The following NAV1 variants were observed in gnomAD, a reference collection of about 807,000 sequenced individuals.
NAV1 encodes the protein pore membrane and/or filament interacting like protein 3.
In NAV1, 18 loss-of-function variants were observed where a neutral mutation model predicts 175.2. The ratio of observed to expected loss-of-function variants is 0.10; its 90% confidence interval spans 0.07 to 0.15. NAV1 has a LOEUF of 0.15. Among genes scored for constraint, NAV1 ranks in the 10% least tolerant of loss-of-function variants. NAV1 has a pLI of 1.00. For missense variants in NAV1, 1,731 were observed against 2,436.6 expected (o/e 0.71, Z 6.10); for synonymous variants, 897 against 978.7 (o/e 0.92, Z 1.56).
At chr1:201,593,446 T>G (rs912090714) in intron 2 of NAV1, among the ~76,000 whole-genome samples, 5 of 152,254 alleles carry the variant, frequency 3.3e-5, no homozygotes, top group Non-Finnish European at 7.3e-5. Context: ...CTGTTTTCTT[T>G]GGCTGCATTC....
chr1:201,648,819 G>C lies in NAV1; in HGVS notation c.151G>C (p.Gly51Arg). 1.9e-6 allele frequency: 3 copies of C among 1,552,130 alleles called. No individual in the cohort carries two copies. The South Asian group carries it at 3.6e-5, about 18-fold the overall frequency. ...GCTGCCCAAGCGCGCCAAGGCGCCC[G>C]GCGGCGGCGGCGGCATGGCCAAGGC... Residue 51 changes from glycine to arginine, a missense_variant, in exon 1 of 30, where the codon GGC becomes CGC. Physicochemically the swap from Gly to Arg is moderately radical, Grantham distance 125 (BLOSUM62 -2). Around this residue, in one of 13 missense-constraint regions of NAV1, gnomAD observed 487 missense variants for 581.3 expected, o/e 0.84. Coordinates refer to ENST00000367296, the Ensembl canonical transcript of NAV1.
intron 3 of NAV1, among the ~76,000 whole-genome samples, chr1:201,721,079 T>TA (rs1558096951): frequency 6.6e-6 from 1 of 152,032 alleles, no homozygotes; most frequent in Non-Finnish European, 1.5e-5. Context: ...TTTTAAAAAT[T>TA]AGAGTTCACC....
At chr1:201,638,933 G>A (rs1173429325) in intron 2 of NAV1, among the ~76,000 whole-genome samples, 1 of 152,198 alleles carries the variant, frequency 6.6e-6, no homozygotes, top group African/African-American at 2.4e-5. Context: ...TGGCAGAAGA[G>A]GATATCTCCG....
chr1:201,551,749 G>A (rs539749542), intron 1 of NAV1, among the ~76,000 whole-genome samples: 20 of 152,228 alleles, frequency 1.3e-4, no homozygotes, highest in African/African-American at 4.1e-4. Context: ...AAAGTGTTAC[G>A]TTTTGAGGTT....
chr1:201,804,353 C>G (rs1289609953), intron 16 of NAV1, 136 bp from the exon 21 acceptor site: 2 of 836,342 alleles, frequency 2.4e-6, no homozygotes, highest in Non-Finnish European at 3.7e-6. Context: ...GCTCCTCTGT[C>G]CCCTGTTCAG....
In NAV1 at chr1:201,583,856, C is replaced by G. The variant is rs148844577; in HGVS notation, c.-143-4683C>G. Among the ~76,000 whole-genome samples, 881 of 152,276 alleles carry G rather than the reference C, an allele frequency of 5.8e-3. 9 individuals carry two copies. Among genetic ancestry groups the G allele is most frequent in the African/African-American group, 0.019 (796 of 41,550 alleles). ...AGTGCTGGTGCCTGGGGGAGAGGAG[C>G]CAGTCAGGACCTTCAGCTTCCCAGG... On this transcript the variant is annotated intron_variant, in intron 1 of 33. Coordinates refer to the NAV1 transcript ENST00000685211.
At chr1:201,691,360 C>T (rs1670931780) in intron 1 of NAV1, among the ~76,000 whole-genome samples, 1 of 152,088 alleles carries the variant, frequency 6.6e-6, no homozygotes, top group Admixed American at 6.5e-5. Flanking sequence ...AGAGAAGCCT[C>T]CCTGGAAGAA....
At position 201,687,743 on chromosome 1, in the gene NAV1, C is replaced by T. The variant is rs530345598; in HGVS notation, c.758-25074C>T. Among the ~76,000 whole-genome samples the T allele has an allele frequency of 2.0e-5, 3 of 152,334 alleles. No individual in the cohort carries two copies. In the East Asian group the frequency reaches 5.8e-4, roughly 29 times the overall value. ...GATATTGGTTCGGAGTCAACTAGGG[C>T]CCTAAAACTAGTGAACATGGTGCCC... On this transcript the variant is annotated intron_variant, in intron 1 of 29. Transcript: ENST00000367296.
intron 1 of NAV1, among the ~76,000 whole-genome samples, chr1:201,569,046 G>C (rs1235548134): frequency 3.9e-5 from 6 of 152,192 alleles, no homozygotes; most frequent in African/African-American, 1.2e-4. Flanking sequence ...AGGACACCCA[G>C]GGAGAAGCGT....
At chr1:201,649,043 G>A in exon 1 of NAV1, 2 of 1,613,578 alleles carry the variant, frequency 1.2e-6, no homozygotes, top group Non-Finnish European at 1.7e-6. Context: ...TAGGCAAGGT[G>A]GGGTCCAAGG....
intron 3 of NAV1, among the ~76,000 whole-genome samples, chr1:201,773,716 G>A (rs552237461): frequency 2.5e-4 from 38 of 152,294 alleles, no homozygotes; most frequent in African/African-American, 7.5e-4. Flanking sequence ...GGAATGAGAC[G>A]TGTAAATTTT....
intron 3 of NAV1, among the ~76,000 whole-genome samples, chr1:201,760,833 A>G (rs1451691902): frequency 6.6e-6 from 1 of 152,162 alleles, no homozygotes; most frequent in African/African-American, 2.4e-5. Context: ...CTCTGGACCT[A>G]GAGAGGCACT....
At chr1:201,759,243 G>A (rs12354150) in intron 3 of NAV1, among the ~76,000 whole-genome samples, 12,354 of 152,206 alleles carry the variant, frequency 0.081, 879 homozygotes, top group African/African-American at 0.18. Context: ...CATTAAAGAT[G>A]CCTTTTAATA....
chr1:201,603,846 C>T (rs1416538776), intron 2 of NAV1, among the ~76,000 whole-genome samples: 2 of 152,166 alleles, frequency 1.3e-5, no homozygotes, highest in African/African-American at 4.8e-5. Context: ...CTTTGGGCAT[C>T]GGGAACAAGG....
intron 2 of NAV1, among the ~76,000 whole-genome samples, chr1:201,590,393 A>T (rs1667152881): frequency 6.6e-6 from 1 of 152,162 alleles, no homozygotes; most frequent in Non-Finnish European, 1.5e-5. Context: ...TTCCTGCCTT[A>T]CTTTTTTCCT....
Position 201,782,247 on chromosome 1 carries a change from T to G in NAV1, c.1735T>G (p.Ser579Ala). Reference sequence around the variant, plus strand: ...GAATACTGGGCTCCAACGCTCCTCCTCTGATGCTGGTCGGGACCGCCTGAG... The same window carrying G: ...GAATACTGGGCTCCAACGCTCCTCCGCTGATGCTGGTCGGGACCGCCTGAG... The change falls in exon 6 of 30, where the codon TCT becomes GCT. Residue 579 changes from serine to alanine, a missense_variant. Ser to Ala is a moderately conservative substitution (Grantham distance 99). Around this residue, in one of 13 missense-constraint regions of NAV1, gnomAD observed 634 missense variants for 766.8 expected, o/e 0.83. Transcript: ENST00000367296. The surrounding 1 kb of genome is among the most constrained non-coding windows in gnomAD (Gnocchi z 5.4). 6.2e-7 allele frequency: 1 copy of G among 1,614,146 alleles called. No individual in the cohort carries two copies. The highest frequency in any genetic ancestry group is 1.6e-4 in the Middle Eastern group (1 of 6,062).
At chr1:201,663,384 G>A (rs965146166) in intron 1 of NAV1, among the ~76,000 whole-genome samples, 2 of 152,176 alleles carry the variant, frequency 1.3e-5, no homozygotes, top group African/African-American at 4.8e-5. Context: ...CTTAGCCTGG[G>A]CCTGGCTCCT....
intron 1 of NAV1, 136 bp downstream of exon 3, chr1:201,623,742 T>C (rs1668243110): frequency 4.0e-5 from 35 of 876,060 alleles, no homozygotes; most frequent in Non-Finnish European, 4.5e-5. Context: ...AAAAAGAAGT[T>C]AGGTAGGTGG....
rs1427911321 is a variant in NAV1 at position 201,718,647 on chromosome 1, A to G, written c.1118A>G (p.Glu373Gly). The change falls in exon 3 of 30, where the codon GAG (glutamate) becomes GGG (glycine). Residue 373 changes from glutamate to glycine, a missense_variant. Coordinates refer to ENST00000367296, the Ensembl canonical transcript of NAV1. The surrounding 1 kb of genome is among the most constrained non-coding windows in gnomAD (Gnocchi z 4.8). The stretch of plus-strand genomic sequence containing the variant: ...AAGCTCAGCCATATCTCCCGCCTGG[A>G]GCTGGTCGAATCCCTGGACTCGGAT... The G allele has an allele frequency of 1.2e-6, 2 of 1,614,014 alleles. No homozygotes were observed. Among genetic ancestry groups the G allele is most frequent in the Non-Finnish European group, 1.7e-6 (2 of 1,180,028 alleles).
Sources: allele counts gnomAD v4.1 joint callset (sites outside exome capture counted in the v4.1 genomes callset), GRCh38; gene constraint gnomAD v4.1.1; regional missense constraint gnomAD v4.1.1; non-coding constraint Gnocchi (gnomAD v3.1); transcripts MANE v1.5; gene names NCBI Gene and HGNC (gene_info 2026-07-23, HGNC 2026-07-21).